MSN: variants seen among roughly 807,000 people sequenced by gnomAD.
MSN encodes the protein moesin, also known as epididymis luminal protein 70.
Under a neutral mutation model 48.0 loss-of-function variants are expected in MSN, and 2 were observed. The ratio of observed to expected loss-of-function variants is 0.04; its 90% confidence interval spans 0.02 to 0.13. The LOEUF (loss-of-function observed/expected upper bound fraction) is 0.13. MSN is among the 10% of genes least tolerant of loss of function. The pLI is 1.00. For missense variants in MSN, 267 were observed against 470.1 expected (o/e 0.57, Z 3.99); for synonymous variants, 146 against 166.9 (o/e 0.87, Z 0.97).
intron 1 of MSN, among the ~76,000 whole-genome samples, chrX:65,695,499 C>G (rs1218690966): frequency 7.2e-5 from 5 of 69,737 alleles, no homozygotes; most frequent in Non-Finnish European, 2.4e-5. Flanking sequence ...CAAGACAAAA[C>G]TCTGTCTCAA....
intron 1 of MSN, among the ~76,000 whole-genome samples, chrX:65,599,162 A>G (rs917132442): frequency 9.1e-5 from 10 of 110,384 alleles, no homozygotes; most frequent in African/African-American, 3.3e-4. Flanking sequence ...GGGGATGGTA[A>G]CACGAGCCTG....
upstream of MSN, among the ~76,000 whole-genome samples, chrX:65,663,366 G>T (rs773067909): frequency 4.5e-5 from 5 of 110,472 alleles, no homozygotes; most frequent in Non-Finnish European, 9.5e-5. Flanking sequence ...ACTCACCATC[G>T]GAGAAATGCA....
chrX:65,617,918 G>A (rs1198403153), intron 1 of MSN, among the ~76,000 whole-genome samples: 461 of 108,703 alleles, frequency 4.2e-3, no homozygotes, highest in Non-Finnish European at 7.4e-3. Context: ...CTTTGTTCTC[G>A]TTGGTTTCAA....
At chrX:65,631,064 C>T (rs1194001705) in intron 1 of MSN, among the ~76,000 whole-genome samples, 1 of 109,432 alleles carries the variant, frequency 9.1e-6, no homozygotes, top group South Asian at 4.0e-4. Flanking sequence ...TATAGTCACA[C>T]CTACCTCCCA....
At chrX:65,591,635 A>AGG (rs2070147813) in intron 1 of MSN, among the ~76,000 whole-genome samples, 2 of 111,532 alleles carry the variant, frequency 1.8e-5, no homozygotes, top group Admixed American at 1.9e-4. Flanking sequence ...TCAGCTAACC[A>AGG]TTACCTGCAG....
intron 1 of MSN, among the ~76,000 whole-genome samples, chrX:65,641,549 AGTATATATATATATATATAT>A (rs1228515266): frequency 3.1e-4 from 10 of 32,563 alleles, no homozygotes; most frequent in Admixed American, 1.9e-3. Context: ...AAAAAAGTGA[AGTATATATATATATATATAT>A]ATATATATAT....
At chrX:65,602,931 C>T (rs2070249211) in intron 1 of MSN, among the ~76,000 whole-genome samples, 1 of 110,895 alleles carries the variant, frequency 9.0e-6, no homozygotes, top group South Asian at 3.8e-4. Flanking sequence ...CCTTAGAGAC[C>T]ATATAGAGGA....
Position 65,667,776 on chromosome X carries a change from T to A in MSN, c.-66T>A. 2 of 1,205,747 alleles carry A rather than the reference T, an allele frequency of 1.7e-6. No homozygotes were observed. The highest frequency in any genetic ancestry group is 3.6e-5 in the South Asian group (2 of 56,081). On this transcript the variant is annotated 5_prime_UTR_variant, in exon 1 of 13. Transcript: ENST00000360270. ...CCAGCCGAATCCAAGCCGTGTGTAC[T>A]GCGTGCTCAGCACTGCCCGACAGTC...
At position 65,598,345 on chromosome X, in the gene MSN, G is replaced by T. The variant is rs376709696; in HGVS notation, c.-22+9733G>T. Reference sequence around the variant, plus strand: ...AAACAGACAGAGACAGGAAGAAAAAGAAAGAAACACAGAGAGAGAAACAGA... The same window carrying T: ...AAACAGACAGAGACAGGAAGAAAAATAAAGAAACACAGAGAGAGAAACAGA... On this transcript the variant is annotated intron_variant, in intron 1 of 3. Transcript: ENST00000609672. 5.2e-4 allele frequency among the ~76,000 whole-genome samples: 57 copies of T among 108,914 alleles called. No individual in the cohort carries two copies. In the East Asian group the frequency reaches 6.9e-3, roughly 13 times the overall value. 94.6% of individuals were successfully genotyped at this position (108,914 alleles called of 115,157 possible).
At chrX:65,672,283 A>T (rs926533606) in intron 1 of MSN, among the ~76,000 whole-genome samples, 1 of 112,390 alleles carries the variant, frequency 8.9e-6, no homozygotes, top group Non-Finnish European at 1.9e-5. Context: ...GTCTGTCTCT[A>T]ATCTTTCAAA....
Position 65,737,346 on chromosome X carries a change from T to G in MSN, c.1251+8T>G. 8.3e-7 allele frequency: 1 copy of G among 1,202,680 alleles called. No individual in the cohort carries two copies. The highest frequency in any genetic ancestry group is 1.1e-6 in the Non-Finnish European group (1 of 890,791). On this transcript the variant is annotated splice_region_variant and intron_variant, in intron 10 of 12. Coordinates refer to ENST00000360270, the MANE Select transcript of MSN (RefSeq NM_002444.3). ...AAGACTCAGGAACAGCTGGTAAAGCTGTAGGGTGGGCTGGGATTATGGGAA... is the reference window on the plus strand; with the variant it reads ...AAGACTCAGGAACAGCTGGTAAAGCGGTAGGGTGGGCTGGGATTATGGGAA...
intron 1 of MSN, among the ~76,000 whole-genome samples, chrX:65,686,041 C>T (rs755995838): frequency 8.9e-6 from 1 of 112,686 alleles, no homozygotes; most frequent in East Asian, 2.8e-4. Flanking sequence ...GGAATCTTGT[C>T]CAGGTGGTAG....
intron 1 of MSN, among the ~76,000 whole-genome samples, chrX:65,698,202 A>G (rs1164713748): frequency 9.0e-6 from 1 of 111,295 alleles, no homozygotes; most frequent in Admixed American, 9.5e-5. Context: ...TGTATTCTTG[A>G]TTGTTCACTC....
Position 65,655,480 on chromosome X carries a change from C to T in MSN, c.-21-61338C>T, listed in dbSNP as rs777361310. 4.4e-5 allele frequency among the ~76,000 whole-genome samples: 5 copies of T among 112,367 alleles called. No individual in the cohort carries two copies. In the East Asian group the frequency reaches 1.1e-3, roughly 25 times the overall value. ...GACCCTTAGGGCATAGAAATTTTCT[C>T]TTCAACCTCCCAGAGTATGGGGTCA... On this transcript the variant is annotated intron_variant, in intron 1 of 3. Coordinates refer to the MSN transcript ENST00000609672.
chrX:65,692,254 T>C (rs1271119404), intron 1 of MSN, among the ~76,000 whole-genome samples: 2 of 112,553 alleles, frequency 1.8e-5, no homozygotes, highest in Non-Finnish European at 3.8e-5. Flanking sequence ...TCAGGTACTT[T>C]ATGGCTCAGC....
Position 65,590,786 on chromosome X carries a change from A to G in MSN, c.-22+2174A>G, listed in dbSNP as rs1223119456. 3.7e-5 allele frequency among the ~76,000 whole-genome samples: 4 copies of G among 109,378 alleles called. No individual in the cohort carries two copies. In the South Asian group the frequency reaches 1.2e-3, roughly 33 times the overall value. The allele number at this position is 109,378 out of a possible 115,157, so 95.0% of individuals were successfully genotyped here. ...TTACTTCTCTGGCAACTTCACTACT[A>G]TGGAACATGGGATGGGGGGTGGGGG... On this transcript the variant is annotated intron_variant, in intron 1 of 3. Coordinates refer to the MSN transcript ENST00000609672.
rs189346144 is a variant in MSN, at chrX:65,612,592, G to C, written c.-22+23980G>C. Among the ~76,000 whole-genome samples, 232 of 106,862 alleles carry C rather than the reference G, an allele frequency of 2.2e-3. 1 individual carries two copies. Among genetic ancestry groups the C allele is most frequent in the African/African-American group, 7.6e-3 (223 of 29,448 alleles). The allele number at this position is 106,862 out of a possible 115,157, so 92.8% of individuals were successfully genotyped here. ...GTTTATTTTTGTGAAGCAGGGTCTC[G>C]CTCTGTCACCCAAGCTGGAGTGCAG... is the stretch of plus-strand genomic sequence containing the variant. On this transcript the variant is annotated intron_variant, in intron 1 of 3. Coordinates refer to the MSN transcript ENST00000609672.
chrX:65,664,467 C>G (rs1450756682), upstream of MSN, among the ~76,000 whole-genome samples: 2 of 111,899 alleles, frequency 1.8e-5, no homozygotes, highest in Non-Finnish European at 3.8e-5. Flanking sequence ...TAAAAAATTT[C>G]TTGCTTGTAC....
intron 1 of MSN, among the ~76,000 whole-genome samples, chrX:65,647,682 G>T (rs780532862): frequency 8.9e-6 from 1 of 112,493 alleles, no homozygotes; most frequent in Non-Finnish European, 1.9e-5. Context: ...AGTATGCAAA[G>T]ACCTTCATGG....
Sources: allele counts gnomAD v4.1 joint callset (sites outside exome capture counted in the v4.1 genomes callset), GRCh38; gene constraint gnomAD v4.1.1; transcripts MANE v1.5; gene names NCBI Gene and HGNC (gene_info 2026-07-23, HGNC 2026-07-21).